SHANK2: variants seen among roughly 807,000 people sequenced by gnomAD.
The protein encoded by SHANK2 is SH3 and multiple ankyrin repeat domains 2, also known as SH3 and multiple ankyrin repeat domains protein 2.
Under a neutral mutation model 133.7 loss-of-function variants are expected in SHANK2, and 43 were observed. That is an observed-to-expected ratio of 0.32 (90% CI 0.25 to 0.41). The LOEUF (loss-of-function observed/expected upper bound fraction) is 0.41. Ranked by LOEUF, SHANK2 falls within the 10% of genes least tolerant of loss-of-function variation. SHANK2 has a pLI of 1.00. For synonymous variants in SHANK2, 1,017 were observed against 952.8 expected (o/e 1.07, Z -1.24); for missense variants, 1,994 against 2,235.8 (o/e 0.89, Z 2.18).
intron 11 of SHANK2, among the ~76,000 whole-genome samples, chr11:70,880,353 A>T (rs577597927): frequency 1.1e-4 from 17 of 152,316 alleles, no homozygotes; most frequent in Non-Finnish European, 2.2e-4. Context: ...GGGCTGCTGG[A>T]AGAGTCTACG....
At position 70,489,312 on chromosome 11, in the gene SHANK2, CGTAAGGTT is replaced by C; in HGVS notation, c.2572+8_2572+15del. ...TACATTCAGATTACAGATTCCAAAC[CGTAAGGTT>C]CACTAACCTGATAGAAAGATTCTGC... On this transcript the variant is annotated splice_region_variant and intron_variant, in intron 24 of 25. Transcript: ENST00000601538. 1 of 1,612,000 alleles carries C rather than the reference CGTAAGGTT, an allele frequency of 6.2e-7. No individual in the cohort carries two copies. The highest frequency in any genetic ancestry group is 8.5e-7 in the Non-Finnish European group (1 of 1,178,072).
At chr11:71,057,917 T>TTG (rs1950941150) in intron 9 of SHANK2, among the ~76,000 whole-genome samples, 1 of 148,890 alleles carries the variant, frequency 6.7e-6, no homozygotes, top group African/African-American at 2.5e-5. Flanking sequence ...CAAAACGGTT[T>TTG]TTTTTTTTTT....
chr11:70,472,432 G>A lies in SHANK2; in HGVS notation c.*437C>T, dbSNP rs2058607597. 8.0e-6 allele frequency: 2 copies of A among 250,322 alleles called. No individual in the cohort carries two copies. The highest frequency in any genetic ancestry group is 5.1e-5 in the Admixed American group (1 of 19,654). The allele number at this position is 250,322 out of a possible 1,614,324, so 15.5% of individuals were successfully genotyped here. ...TGAGAGGCCACAGGACTGAGGAAAGGCCTCATGCCGGGGCCTGGGGTGGTG... is the reference window on the plus strand; with the variant it reads ...TGAGAGGCCACAGGACTGAGGAAAGACCTCATGCCGGGGCCTGGGGTGGTG... On this transcript the variant is annotated 3_prime_UTR_variant, in exon 26 of 26. Transcript: ENST00000601538. The surrounding 1 kb of genome is among the most constrained non-coding windows in gnomAD (Gnocchi z 4.4).
intron 17 of SHANK2, among the ~76,000 whole-genome samples, chr11:70,505,259 G>A (rs2059119655): frequency 6.6e-6 from 1 of 152,158 alleles, no homozygotes; most frequent in Non-Finnish European, 1.5e-5. Flanking sequence ...TGGATGCCAG[G>A]GTGAAGTTAT....
chr11:70,693,376 G>A (rs1189201741), intron 15 of SHANK2, among the ~76,000 whole-genome samples: 1 of 152,078 alleles, frequency 6.6e-6, no homozygotes, highest in African/African-American at 2.4e-5. Flanking sequence ...CTGCAGTGTC[G>A]AATCTTCTCA....
chr11:71,161,642 C>T (rs1306940120), intron 2 of SHANK2, among the ~76,000 whole-genome samples: 2 of 152,226 alleles, frequency 1.3e-5, no homozygotes, highest in African/African-American at 4.8e-5. Context: ...TCTGAATCTA[C>T]CTATGACCTG....
chr11:70,900,967 G>T (rs537260925), intron 10 of SHANK2, among the ~76,000 whole-genome samples: 24 of 152,276 alleles, frequency 1.6e-4, no homozygotes, highest in African/African-American at 5.8e-4. Flanking sequence ...GTGGCTGCAG[G>T]TGTGCACAGC....
At chr11:70,796,718 C>A (rs902763973) in intron 14 of SHANK2, among the ~76,000 whole-genome samples, 1 of 152,180 alleles carries the variant, frequency 6.6e-6, no homozygotes, top group East Asian at 1.9e-4. Flanking sequence ...GTGTAAATCC[C>A]GTGTGGTCTA....
At chr11:70,868,819 T>G (rs2135532376) in intron 11 of SHANK2, among the ~76,000 whole-genome samples, 1 of 152,312 alleles carries the variant, frequency 6.6e-6, no homozygotes, top group Non-Finnish European at 1.5e-5. Context: ...TCCACAAACC[T>G]GCCCAATTCT....
At chr11:70,923,605 G>A (rs541898449) in intron 10 of SHANK2, among the ~76,000 whole-genome samples, 41 of 152,272 alleles carry the variant, frequency 2.7e-4, no homozygotes, top group South Asian at 1.2e-3. Flanking sequence ...GTGCAGTGGC[G>A]TGACGTAACC....
chr11:71,211,304 CGAG>C (rs1954275639), intron 2 of SHANK2, among the ~76,000 whole-genome samples: 2 of 150,978 alleles, frequency 1.3e-5, no homozygotes, highest in African/African-American at 4.9e-5. Flanking sequence ...TTTGGGAGGC[CGAG>C]GAGGTCAGAT....
intron 10 of SHANK2, among the ~76,000 whole-genome samples, chr11:70,945,164 G>A (rs989724040): frequency 1.3e-5 from 2 of 152,078 alleles, no homozygotes; most frequent in Non-Finnish European, 2.9e-5. Flanking sequence ...GTGTATGGGC[G>A]GCTCTTGTCA....
chr11:70,471,597 C>T lies in SHANK2; in HGVS notation c.*1272G>A. ...CTGATCCTGCCGCCCACCTTCTGTT[C>T]TCAACCCTGGGTTCTGTCTATACTC... On this transcript the variant is annotated 3_prime_UTR_variant, in exon 26 of 26. Transcript: ENST00000601538. This position sits in a 1 kb window ranked among gnomAD's most constrained non-coding sequence, Gnocchi z 4.1. 1 of 394,102 alleles carries T rather than the reference C, an allele frequency of 2.5e-6. No homozygotes were observed. Among genetic ancestry groups the T allele is most frequent in the Non-Finnish European group, 4.5e-6 (1 of 223,822 alleles). The allele number at this position is 394,102 out of a possible 1,614,324, so 24.4% of individuals were successfully genotyped here. A position where few individuals can be genotyped will look rare whatever the true frequency, so the allele number is the denominator to read the frequency against.
At chr11:71,107,385 G>T (rs782747878) in intron 6 of SHANK2, among the ~76,000 whole-genome samples, 1 of 152,168 alleles carries the variant, frequency 6.6e-6, no homozygotes, top group Non-Finnish European at 1.5e-5. Flanking sequence ...TCTTTCCCAG[G>T]AGCCACTTAT....
At chr11:71,238,038 G>A (rs575191877) in intron 1 of SHANK2, among the ~76,000 whole-genome samples, 1 of 152,158 alleles carries the variant, frequency 6.6e-6, no homozygotes, top group Non-Finnish European at 1.5e-5. Context: ...ATGCACACAC[G>A]GACTGAGGGT....
chr11:70,502,674 G>T, intron 18 of SHANK2, 122 bp downstream of exon 18: 1 of 1,164,710 alleles, frequency 8.6e-7, no homozygotes, highest in Non-Finnish European at 1.2e-6. Context: ...CCTGTGCCTG[G>T]GCTCTCAGAA....
intron 11 of SHANK2, among the ~76,000 whole-genome samples, chr11:70,838,733 C>G (rs574939869): frequency 6.6e-6 from 1 of 152,314 alleles, no homozygotes; most frequent in Non-Finnish European, 1.5e-5. Context: ...TGGACTCTCA[C>G]TCTGCACAGG....
intron 2 of SHANK2, among the ~76,000 whole-genome samples, chr11:71,168,606 C>G (rs1018330340): frequency 6.6e-6 from 1 of 152,188 alleles, no homozygotes; most frequent in Non-Finnish European, 1.5e-5. Context: ...GCGGATCACT[C>G]GCAGTTAGGA....
intron 17 of SHANK2, among the ~76,000 whole-genome samples, chr11:70,644,939 AG>A (rs2061240227): frequency 6.6e-6 from 1 of 152,162 alleles, no homozygotes; most frequent in Non-Finnish European, 1.5e-5. Flanking sequence ...ATCTCGTCAA[AG>A]GCTGGGCATG....
Sources: allele counts gnomAD v4.1 joint callset (sites outside exome capture counted in the v4.1 genomes callset), GRCh38; gene constraint gnomAD v4.1.1; non-coding constraint Gnocchi (gnomAD v3.1); transcripts MANE v1.5; gene names NCBI Gene and HGNC (gene_info 2026-07-23, HGNC 2026-07-21).